COL15A1: variants seen among roughly 807,000 people sequenced by gnomAD.
COL15A1 encodes the protein collagen type XV alpha 1 chain.
A neutral mutation model predicts 165.9 loss-of-function variants in COL15A1; 111 were observed. The ratio of observed to expected loss-of-function variants is 0.67; its 90% CI spans 0.57 to 0.78. The LOEUF is 0.78. Among genes scored for constraint, COL15A1 ranks in the 30% least tolerant of loss-of-function variants. COL15A1 has a pLI of 0.00. For missense variants in COL15A1, 1,745 were observed against 1,789.7 expected (o/e 0.98, Z 0.45); for synonymous variants, 659 against 674.8 (o/e 0.98, Z 0.36).
chr9:99,035,034 C>A lies in COL15A1; in HGVS notation c.2100C>A (p.Gly700=). The change falls in exon 18 of 42, where the codon GGC becomes GGA. Residue 700 remains glycine (G), a synonymous_variant. Coordinates refer to ENST00000375001, the MANE Select transcript of COL15A1 (RefSeq NM_001855.5). Reference sequence around the variant, plus strand: ...TACAGGGTGACCCTGGCAACAGAGGCTTACCTGGACCCCCGGGGAAAAAGG... The same window carrying A: ...TACAGGGTGACCCTGGCAACAGAGGATTACCTGGACCCCCGGGGAAAAAGG... The part of the protein sequence containing the change: ...VGEKGDPGNR[G]LPGPPGKKGQ... 6.2e-7 allele frequency: 1 copy of A among 1,613,126 alleles called. No homozygotes were observed. Among genetic ancestry groups the A allele is most frequent in the Non-Finnish European group, 8.5e-7 (1 of 1,179,236 alleles).
In COL15A1 at chr9:99,003,552, A is replaced by G. The variant is rs767448137; in HGVS notation, c.1165A>G (p.Met389Val). Residue 389 changes from methionine (M) to valine (V), a missense_variant, in exon 8 of 42, where the codon ATG (methionine) becomes GTG (valine). By Grantham distance (21) the Met-to-Val change is conservative. Transcript: ENST00000375001. ...SVPTGGPTLS[M>V]STENPEEGVT... is the part of the protein sequence containing the mutation. ...GCCCACCGGGGGACCAACCCTCTCT[A>G]TGTCCACGGAGAACCCAGAGGAAGG... is the stretch of plus-strand genomic sequence containing the variant. 5 of 1,558,982 alleles carry G rather than the reference A, an allele frequency of 3.2e-6. No individual in the cohort carries two copies. The highest frequency in any genetic ancestry group is 1.2e-5 in the South Asian group (1 of 83,380).
intron 9 of COL15A1, among the ~76,000 whole-genome samples, chr9:99,006,744 A>G (rs767379577): frequency 9.9e-5 from 15 of 152,190 alleles, no homozygotes; most frequent in Non-Finnish European, 1.9e-4. Context: ...TGGGAAAGCC[A>G]GGGATCAGGT....
At chr9:98,999,816 G>A (rs904599887) in intron 6 of COL15A1, among the ~76,000 whole-genome samples, 7 of 150,542 alleles carry the variant, frequency 4.6e-5, no homozygotes, top group Admixed American at 2.6e-4. Context: ...CACCATGCCC[G>A]GCCAATGAAT....
chr9:98,993,680 T>A (rs1045809535), intron 5 of COL15A1, among the ~76,000 whole-genome samples: 1 of 152,120 alleles, frequency 6.6e-6, no homozygotes, highest in African/African-American at 2.4e-5. Flanking sequence ...CAGCTCAGGG[T>A]CCAGAGTGCA....
intron 39 of COL15A1, among the ~76,000 whole-genome samples, chr9:99,065,144 G>A (rs958438501): frequency 1.5e-4 from 23 of 152,294 alleles, no homozygotes; most frequent in African/African-American, 5.5e-4. Context: ...CCCCAATCTC[G>A]TCATTCAGAA....
chr9:99,036,542 T>A, intron 21 of COL15A1, 146 bp downstream of exon 21: 2 of 700,090 alleles, frequency 2.9e-6, no homozygotes, highest in Non-Finnish European at 4.8e-6. Context: ...TGCCAGCACC[T>A]ACCTGTTCCT....
At chr9:99,068,464 T>G in intron 40 of COL15A1, 91 bp from the exon 41 acceptor site, 3 of 508,332 alleles carry the variant, frequency 5.9e-6, no homozygotes, top group Admixed American at 5.0e-5. Context: ...AGCGAAACTG[T>G]GTCAAAAAAA....
intron 2 of COL15A1, among the ~76,000 whole-genome samples, chr9:98,957,060 C>T (rs1393773578): frequency 6.6e-6 from 1 of 152,170 alleles, no homozygotes; most frequent in African/African-American, 2.4e-5. Flanking sequence ...GGTTCTATAG[C>T]AAAGGGAGTT....
chr9:99,040,855 A>G (rs1839390723), intron 23 of COL15A1: 1 of 417,700 alleles, frequency 2.4e-6, no homozygotes, highest in South Asian at 3.2e-5. Flanking sequence ...AAAGGCACAT[A>G]TCATATGATA....
At chr9:99,045,557 C>T (rs889626987) in intron 26 of COL15A1, among the ~76,000 whole-genome samples, 7 of 152,210 alleles carry the variant, frequency 4.6e-5, no homozygotes, top group Non-Finnish European at 8.8e-5. Flanking sequence ...CTGTGTAGAA[C>T]ATTCTCTATG....
At chr9:99,045,179 G>GA (rs1839473918) in intron 26 of COL15A1, among the ~76,000 whole-genome samples, 1 of 152,188 alleles carries the variant, frequency 6.6e-6, no homozygotes, top group African/African-American at 2.4e-5. Context: ...CCAAAACCCA[G>GA]ACGCTTGTGG....
intron 14 of COL15A1, 63 bp downstream of exon 14, chr9:99,023,512 G>A (rs1839062918): frequency 8.8e-6 from 7 of 791,670 alleles, no homozygotes; most frequent in African/African-American, 1.7e-5. Context: ...CCCAGAGGGA[G>A]GGACGTGGGG....
Position 99,062,033 on chromosome 9 carries a change from A to G in COL15A1, c.3465A>G (p.Thr1155=), listed in dbSNP as rs1291515942. 6.2e-7 allele frequency: 1 copy of G among 1,614,126 alleles called. No homozygotes were observed. The highest frequency in any genetic ancestry group is 1.1e-5 in the South Asian group (1 of 91,058). Residue 1155 remains threonine (T), a synonymous_variant, in exon 37 of 42, where the codon ACA becomes ACG. Transcript: ENST00000375001. ...AAGCGCATTTGGTTATAGAAGGAAC[A>G]TTCATCTACCTGAGGGACAGCACTG... ...LQKAHLVIEG[T]FIYLRDSTEF...
At chr9:99,027,732 A>G (rs890910205) in intron 16 of COL15A1, among the ~76,000 whole-genome samples, 11 of 152,238 alleles carry the variant, frequency 7.2e-5, no homozygotes, top group Non-Finnish European at 1.2e-4. Flanking sequence ...GAAATTTGCT[A>G]TGCATCTCAA....
At chr9:99,013,386 A>G (rs1260641009) in intron 9 of COL15A1, among the ~76,000 whole-genome samples, 1 of 151,960 alleles carries the variant, frequency 6.6e-6, no homozygotes, top group African/African-American at 2.4e-5. Flanking sequence ...AGCTGAGGAA[A>G]CTCATTCTCC....
chr9:98,997,047 C>A lies in COL15A1; in HGVS notation c.918C>A (p.Asn306Lys), dbSNP rs911554874. 1.9e-6 allele frequency: 3 copies of A among 1,614,228 alleles called. No homozygotes were observed. The highest frequency in any genetic ancestry group is 2.5e-6 in the Non-Finnish European group (3 of 1,180,042). Residue 306 changes from asparagine to lysine, a missense_variant, in exon 6 of 42, where the codon AAC (asparagine) becomes AAA (lysine). Transcript: ENST00000375001. ...CCGAGGGGACCCTGGAAACCACCAA[C>A]ATGAGCATCATCCAGCACAGCAGCC... ...PVPEGTLETT[N>K]MSIIQHSSPK...
At chr9:98,965,664 T>A (rs1837944060) in intron 2 of COL15A1, among the ~76,000 whole-genome samples, 1 of 152,230 alleles carries the variant, frequency 6.6e-6, no homozygotes, top group Non-Finnish European at 1.5e-5. Context: ...CTCTGCTCAC[T>A]CCACTGTGTT....
At chr9:99,059,817 G>C (rs1042907182) in intron 35 of COL15A1, 72 bp from the exon 36 acceptor site, 1 of 1,547,006 alleles carries the variant, frequency 6.5e-7, no homozygotes, top group Non-Finnish European at 8.9e-7. Context: ...TTCTCTCCGG[G>C]AGTCAGCTGA....
chr9:99,062,435 C>A, intron 38 of COL15A1, 131 bp downstream of exon 38: 1 of 721,274 alleles, frequency 1.4e-6, no homozygotes, highest in East Asian at 2.7e-5. Flanking sequence ...CTGGTGAAAT[C>A]CTAGAAATTA....
Sources: allele counts gnomAD v4.1 joint callset (sites outside exome capture counted in the v4.1 genomes callset), GRCh38; gene constraint gnomAD v4.1.1; transcripts MANE v1.5; gene names NCBI Gene and HGNC (gene_info 2026-07-23, HGNC 2026-07-21).